The following MKLN1 variants were observed in gnomAD, a reference collection of about 807,000 sequenced individuals.
The protein encoded by MKLN1 is muskelin.
A neutral mutation model predicts 99.0 loss-of-function variants in MKLN1; 18 were observed. The ratio of observed to expected loss-of-function variants is 0.18; its 90% CI spans 0.13 to 0.27. The LOEUF (loss-of-function observed/expected upper bound fraction) is 0.27. Ranked by LOEUF, MKLN1 falls within the 10% of genes least tolerant of loss-of-function variation. The pLI, the probability that MKLN1 is intolerant of heterozygous loss-of-function variation, is 1.00. For missense variants in MKLN1, 621 were observed against 875.9 expected (o/e 0.71, Z 3.67); for synonymous variants, 288 against 293.2 (o/e 0.98, Z 0.18).
At chr7:131,282,705 C>T (rs1045493981) in intron 3 of MKLN1, among the ~76,000 whole-genome samples, 3 of 152,036 alleles carry the variant, frequency 2.0e-5, no homozygotes, top group African/African-American at 7.2e-5. Flanking sequence ...TCTTTGAAAA[C>T]ATTAATAGAA....
chr7:131,415,250 T>A (rs1794984252), intron 8 of MKLN1, among the ~76,000 whole-genome samples: 1 of 152,056 alleles, frequency 6.6e-6, no homozygotes, highest in Admixed American at 6.5e-5. Flanking sequence ...AGGTCTCAGA[T>A]TAGCAGCTTA....
At chr7:131,141,355 C>G (rs975149191) in intron 1 of MKLN1, among the ~76,000 whole-genome samples, 3 of 152,204 alleles carry the variant, frequency 2.0e-5, no homozygotes, top group African/African-American at 7.2e-5. Context: ...CATATTTTTG[C>G]TGTCTTAGTG....
At chr7:131,243,370 C>T (rs909957466) in intron 3 of MKLN1, among the ~76,000 whole-genome samples, 2 of 152,120 alleles carry the variant, frequency 1.3e-5, no homozygotes, top group African/African-American at 2.4e-5. Context: ...ATGCTGTTAC[C>T]GGCCTTTGTA....
intron 1 of MKLN1, among the ~76,000 whole-genome samples, chr7:131,362,478 T>A (rs1800058906): frequency 6.6e-6 from 1 of 152,096 alleles, no homozygotes; most frequent in Non-Finnish European, 1.5e-5. Context: ...GTCTGCATAG[T>A]TTGTACTAGG....
chr7:131,164,411 G>A (rs771382527), intron 2 of MKLN1, among the ~76,000 whole-genome samples: 63 of 152,162 alleles, frequency 4.1e-4, no homozygotes, highest in Non-Finnish European at 6.5e-4. Flanking sequence ...TGCCACACCC[G>A]GCCACTTATT....
chr7:131,463,076 T>G, intron 12 of MKLN1, 141 bp from the exon 13 acceptor site: 1 of 652,792 alleles, frequency 1.5e-6, no homozygotes, highest in Non-Finnish European at 2.5e-6. Context: ...GAGTCATGGT[T>G]GTGCCTCACT....
In MKLN1 at chr7:131,429,165, A is replaced by G. The variant is rs752169310; in HGVS notation, c.960+20A>G. ...AAAGAGGCAAGTTCTCAGACTTTTC[A>G]TACATCTATATTACAGAAGGGGCGT... is the stretch of plus-strand genomic sequence containing the variant. On this transcript the variant is annotated intron_variant, in intron 9 of 17. Coordinates refer to ENST00000352689, the MANE Select transcript of MKLN1 (RefSeq NM_013255.5). 1.1e-5 allele frequency: 17 copies of G among 1,522,696 alleles called. No individual in the cohort carries two copies. The East Asian group carries it at 2.7e-4, about 24-fold the overall frequency. 94.3% of individuals were successfully genotyped at this position (1,522,696 alleles called of 1,614,324 possible). A position where few individuals can be genotyped will look rare whatever the true frequency, so the allele number is the denominator to read the frequency against.
intron 2 of MKLN1, among the ~76,000 whole-genome samples, chr7:131,155,682 C>G (rs973218927): frequency 6.6e-6 from 1 of 152,082 alleles, no homozygotes; most frequent in Non-Finnish European, 1.5e-5. Flanking sequence ...TAGACTGTTA[C>G]AGCTAGAGCG....
intron 12 of MKLN1, among the ~76,000 whole-genome samples, chr7:131,452,837 C>G (rs1796223851): frequency 6.6e-6 from 1 of 152,198 alleles, no homozygotes; most frequent in Non-Finnish European, 1.5e-5. Flanking sequence ...GCGTGAGCCA[C>G]TGCACCCGGC....
intron 9 of MKLN1, among the ~76,000 whole-genome samples, chr7:131,432,471 G>A (rs188890632): frequency 1.1e-4 from 16 of 152,288 alleles, no homozygotes; most frequent in African/African-American, 3.6e-4. Flanking sequence ...GATGAGTAAA[G>A]TGGTGATTCA....
chr7:131,437,835 G>C lies in MKLN1; in HGVS notation c.1011G>C (p.Arg337=). The C allele has an allele frequency of 6.2e-7, 1 of 1,612,754 alleles. No homozygotes were observed. The highest frequency in any genetic ancestry group is 8.5e-7 in the Non-Finnish European group (1 of 1,179,536). ...ATAAAATGTGCATTGATATTCAACGGAGGCAAATCTACACATTGGGGCGTT... is the reference window on the plus strand; with the variant it reads ...ATAAAATGTGCATTGATATTCAACGCAGGCAAATCTACACATTGGGGCGTT... ...SCHKMCIDIQ[R]RQIYTLGRYL... is the part of the protein sequence containing the mutation. Residue 337 remains arginine, a synonymous_variant, in exon 10 of 18, where the codon CGG becomes CGC. Coordinates refer to ENST00000352689, the MANE Select transcript of MKLN1 (RefSeq NM_013255.5).
intron 3 of MKLN1, among the ~76,000 whole-genome samples, chr7:131,282,898 G>A (rs539122379): frequency 1.3e-5 from 2 of 152,264 alleles, no homozygotes; most frequent in African/African-American, 2.4e-5. Flanking sequence ...GGAAATTTCT[G>A]GATATGACTA....
At chr7:131,272,238 A>G (rs1797895990) in intron 3 of MKLN1, among the ~76,000 whole-genome samples, 2 of 152,238 alleles carry the variant, frequency 1.3e-5, no homozygotes, top group African/African-American at 2.4e-5. Context: ...CTGTTGTGTT[A>G]ATCTACTGAC....
At chr7:131,344,442 T>C (rs1799495649) in intron 1 of MKLN1, among the ~76,000 whole-genome samples, 1 of 152,164 alleles carries the variant, frequency 6.6e-6, no homozygotes, top group Non-Finnish European at 1.5e-5. Flanking sequence ...TGGTTTAAAA[T>C]TAAAAATTTT....
chr7:131,158,227 G>A (rs967805437), intron 2 of MKLN1, among the ~76,000 whole-genome samples: 1 of 152,126 alleles, frequency 6.6e-6, no homozygotes, highest in South Asian at 2.1e-4. Flanking sequence ...ATCACCTGAC[G>A]TCAGGAGTTC....
chr7:131,356,720 C>A (rs1360983209), intron 1 of MKLN1, among the ~76,000 whole-genome samples: 3 of 152,150 alleles, frequency 2.0e-5, no homozygotes, highest in Non-Finnish European at 4.4e-5. Flanking sequence ...GGACAGTATT[C>A]TTCATCGAGG....
At chr7:131,337,597 A>G (rs904988469) in intron 1 of MKLN1, among the ~76,000 whole-genome samples, 2 of 151,864 alleles carry the variant, frequency 1.3e-5, no homozygotes, top group African/African-American at 4.8e-5. Flanking sequence ...CTTGTCATGT[A>G]TTTTTTGAGC....
intron 6 of MKLN1, among the ~76,000 whole-genome samples, chr7:131,403,515 A>G (rs979487725): frequency 3.3e-5 from 5 of 152,204 alleles, no homozygotes; most frequent in Admixed American, 6.5e-5. Flanking sequence ...AACTTGGTCA[A>G]CTTTAGTGCA....
Position 131,481,149 on chromosome 7 carries a change from G to T in MKLN1, c.2086+2472G>T, listed in dbSNP as rs140218443. 5.4e-3 allele frequency among the ~76,000 whole-genome samples: 824 copies of T among 152,270 alleles called. 3 individuals are homozygous for T. The highest frequency in any genetic ancestry group is 8.2e-3 in the Non-Finnish European group (559 of 68,020). On this transcript the variant is annotated intron_variant, in intron 17 of 17. Transcript: ENST00000352689. ...GATGTTGTTTCCTGTCTTGTCTGAG[G>T]GGAGGTATTATATAGCCTAGTGATT...
Sources: gnomAD v4.1 joint callset for allele counts (sites outside exome capture counted in the v4.1 genomes callset) on GRCh38, gnomAD v4.1.1 for gene constraint, MANE v1.5 for transcripts, NCBI Gene and HGNC (gene_info 2026-07-23, HGNC 2026-07-21) for gene names.